The following ERC2 variants were observed in gnomAD, a reference collection of about 807,000 sequenced individuals.
ERC2 encodes the protein ERC protein 2.
Under a neutral mutation model 114.8 loss-of-function variants are expected in ERC2, and 42 were observed. The observed-to-expected ratio is 0.37, with a 90% CI of 0.29 to 0.47. The LOEUF is 0.47. ERC2 is among the 20% of genes least tolerant of loss of function. ERC2 has a pLI of 0.99. For synonymous variants in ERC2, 454 were observed against 425.5 expected, an observed-to-expected ratio of 1.07 and a Z score of -0.82; for missense variants, 939 against 1,150.7, an observed-to-expected ratio of 0.82 and a Z score of 2.66.
chr3:56,036,027 T>G (rs2074776692), intron 7 of ERC2, among the ~76,000 whole-genome samples: 1 of 152,174 alleles, frequency 6.6e-6, no homozygotes, highest in Non-Finnish European at 1.5e-5. Context: ...TCTAGTGGAA[T>G]TTATTATTGG....
rs536476795 is a variant in ERC2, at chr3:55,943,071, G to A, written c.2403+7354C>T. On this transcript the variant is annotated intron_variant, in intron 13 of 17. Transcript: ENST00000288221. ...GTGCCCCCCTGACTAACCTCTGGTA[G>A]CGATAACTCAGGGTAAACCTGAGGT... Among the ~76,000 whole-genome samples, 6 of 152,292 alleles carry A rather than the reference G, an allele frequency of 3.9e-5. No individual in the cohort carries two copies. In the South Asian group the frequency reaches 6.2e-4, roughly 16 times the overall value.
intron 12 of ERC2, among the ~76,000 whole-genome samples, chr3:55,975,509 G>A (rs1401896366): frequency 1.3e-5 from 2 of 152,118 alleles, no homozygotes; most frequent in Non-Finnish European, 2.9e-5. Context: ...TAGAGATACA[G>A]GCTGAAGATT....
intron 17 of ERC2, among the ~76,000 whole-genome samples, chr3:55,639,795 T>G (rs141038585): frequency 6.6e-6 from 1 of 152,226 alleles, no homozygotes; most frequent in African/African-American, 2.4e-5. Flanking sequence ...CACACGCACA[T>G]GTGCATGCAC....
Position 56,271,730 on chromosome 3 carries a change from T to C in ERC2, c.1074+24289A>G, listed in dbSNP as rs181257880. Among the ~76,000 whole-genome samples the C allele has an allele frequency of 7.9e-5, 12 of 152,298 alleles. No homozygotes were observed. The East Asian group carries it at 1.4e-3, about 17-fold the overall frequency. On this transcript the variant is annotated intron_variant, in intron 3 of 17. Coordinates refer to ENST00000288221, the MANE Select transcript of ERC2 (RefSeq NM_015576.3). ...CCCAGGTAATAAGCTTAGTACCCAA[T>C]AGGTAGTTTTTTGATCCTCACCCTC... is the stretch of plus-strand genomic sequence containing the variant.
At chr3:56,182,887 T>C (rs1321542677) in intron 3 of ERC2, among the ~76,000 whole-genome samples, 2 of 152,202 alleles carry the variant, frequency 1.3e-5, no homozygotes, top group African/African-American at 4.8e-5. Flanking sequence ...GTAGCAGTTG[T>C]CTGAGACCAA....
chr3:56,063,217 TG>T (rs1283434163), intron 7 of ERC2, among the ~76,000 whole-genome samples: 1 of 152,102 alleles, frequency 6.6e-6, no homozygotes, highest in African/African-American at 2.4e-5. Context: ...GATTGGAGGC[TG>T]GGGAGAGAGA....
At chr3:56,280,669 A>G (rs948279202) in intron 3 of ERC2, among the ~76,000 whole-genome samples, 20 of 152,342 alleles carry the variant, frequency 1.3e-4, no homozygotes, top group African/African-American at 4.6e-4. Context: ...ACCACTTGGT[A>G]TATACTTAAC....
intron 14 of ERC2, among the ~76,000 whole-genome samples, chr3:55,813,248 G>T (rs2059790761): frequency 6.6e-6 from 1 of 152,120 alleles, no homozygotes; most frequent in African/African-American, 2.4e-5. Flanking sequence ...AGTATAGCTA[G>T]GTTCCTCCTA....
chr3:56,380,406 T>C (rs148490827), intron 2 of ERC2, among the ~76,000 whole-genome samples: 185 of 152,238 alleles, frequency 1.2e-3, no homozygotes, highest in African/African-American at 4.0e-3. Context: ...TCCCACTCCC[T>C]GGGCTGATGC....
intron 3 of ERC2, among the ~76,000 whole-genome samples, chr3:56,253,373 G>C (rs889872755): frequency 3.9e-5 from 6 of 152,078 alleles, no homozygotes; most frequent in African/African-American, 1.4e-4. Context: ...TTAAAAAACT[G>C]TTTAAGAAAA....
intron 17 of ERC2, among the ~76,000 whole-genome samples, chr3:55,540,827 C>G (rs1310040763): frequency 6.6e-6 from 1 of 152,180 alleles, no homozygotes; most frequent in Non-Finnish European, 1.5e-5. Context: ...AGACCAAATG[C>G]TTATGCAAAG....
intron 13 of ERC2, among the ~76,000 whole-genome samples, chr3:55,937,186 C>T (rs577042857): frequency 6.6e-6 from 1 of 152,210 alleles, no homozygotes; most frequent in South Asian, 2.1e-4. Context: ...ACTAAAAATA[C>T]AAAAATTAGC....
At chr3:56,187,198 C>T (rs1297978294) in intron 3 of ERC2, among the ~76,000 whole-genome samples, 2 of 152,064 alleles carry the variant, frequency 1.3e-5, no homozygotes, top group Admixed American at 6.5e-5. Flanking sequence ...GTTCCCCCAG[C>T]ACTTCTGGAC....
intron 3 of ERC2, among the ~76,000 whole-genome samples, chr3:56,270,727 C>A (rs1266714655): frequency 2.0e-5 from 3 of 152,210 alleles, no homozygotes; most frequent in Admixed American, 2.0e-4. Context: ...TGCCTGTAAT[C>A]CCAGCACTTT....
chr3:56,282,225 G>C (rs894092006), intron 3 of ERC2, among the ~76,000 whole-genome samples: 8 of 152,162 alleles, frequency 5.3e-5, no homozygotes, highest in Non-Finnish European at 1.0e-4. Flanking sequence ...GTGCAGAACA[G>C]CTACTAGAAA....
chr3:56,114,523 G>A (rs1228284784), intron 6 of ERC2, among the ~76,000 whole-genome samples: 1 of 152,168 alleles, frequency 6.6e-6, no homozygotes, highest in African/African-American at 2.4e-5. Context: ...TTTCTCTGGG[G>A]TTCCTTTAGC....
chr3:56,109,050 T>C (rs2149822933), intron 6 of ERC2, among the ~76,000 whole-genome samples: 1 of 152,314 alleles, frequency 6.6e-6, no homozygotes, highest in African/African-American at 2.4e-5. Flanking sequence ...CGAGGATACA[T>C]GTGCAGGTTT....
chr3:56,287,231 T>G (rs1288622911), intron 3 of ERC2, among the ~76,000 whole-genome samples: 1 of 152,152 alleles, frequency 6.6e-6, no homozygotes, highest in Non-Finnish European at 1.5e-5. Context: ...CACAAAATAC[T>G]CAACAAAAAC....
chr3:55,524,500 GTTTTTT>G (rs34258011), intron 17 of ERC2, among the ~76,000 whole-genome samples: 1 of 120,852 alleles, frequency 8.3e-6, no homozygotes, highest in African/African-American at 3.2e-5. Context: ...AGCTCCAGTG[GTTTTTT>G]TTTTTTTTTT....
Sources: allele counts gnomAD v4.1 joint callset (sites outside exome capture counted in the v4.1 genomes callset), GRCh38; gene constraint gnomAD v4.1.1; transcripts MANE v1.5; gene names NCBI Gene and HGNC (gene_info 2026-07-23, HGNC 2026-07-21).